Variants in PEX14 observed in about 807,000 individuals in gnomAD.
PEX14 encodes peroxisomal membrane protein PEX14.
Under a neutral mutation model 49.5 loss-of-function variants are expected in PEX14, and 15 were observed. The ratio of observed to expected loss-of-function variants is 0.30; its 90% CI spans 0.20 to 0.47. The LOEUF is 0.47. Among genes scored for constraint, PEX14 ranks in the 20% least tolerant of loss-of-function variants. The pLI is 1.00. For synonymous variants in PEX14, 210 were observed against 212.7 expected (o/e 0.99, Z 0.11); for missense variants, 398 against 494.8 (o/e 0.80, Z 1.86).
chr1:10,545,949 G>A (rs565459294), intron 3 of PEX14, among the ~76,000 whole-genome samples: 52 of 152,230 alleles, frequency 3.4e-4, no homozygotes, highest in African/African-American at 1.2e-3. Context: ...AGAGGCTGAG[G>A]CAGGAGGATT....
At chr1:10,501,556 C>T (rs1318151858) in intron 2 of PEX14, among the ~76,000 whole-genome samples, 1 of 152,110 alleles carries the variant, frequency 6.6e-6, no homozygotes, top group Non-Finnish European at 1.5e-5. Flanking sequence ...CCGCCTCGGC[C>T]TCCCAAAGTG....
chr1:10,603,537 T>TG (rs1641044788), intron 4 of PEX14, among the ~76,000 whole-genome samples: 1 of 151,936 alleles, frequency 6.6e-6, no homozygotes, highest in Non-Finnish European at 1.5e-5. Context: ...AGAAAGTTGG[T>TG]ACAGTTCAGG....
intron 3 of PEX14, among the ~76,000 whole-genome samples, chr1:10,574,149 A>G (rs1429670999): frequency 1.3e-5 from 2 of 152,206 alleles, no homozygotes; most frequent in Non-Finnish European, 2.9e-5. Flanking sequence ...GTGTCCCATC[A>G]ACAGAAAAGT....
At chr1:10,611,355 C>T (rs1005054721) in intron 4 of PEX14, among the ~76,000 whole-genome samples, 1 of 152,166 alleles carries the variant, frequency 6.6e-6, no homozygotes, top group East Asian at 1.9e-4. Flanking sequence ...GCTATAGTGC[C>T]AACTTCTGTT....
chr1:10,583,671 T>TAC (rs1359560483), intron 3 of PEX14, among the ~76,000 whole-genome samples: 1 of 151,820 alleles, frequency 6.6e-6, no homozygotes, highest in African/African-American at 2.4e-5. Flanking sequence ...TAAACATGAG[T>TAC]AAGAGCAATA....
At chr1:10,537,341 A>ACAC in intron 3 of PEX14, among the ~76,000 whole-genome samples, 1 of 28,428 alleles carries the variant, frequency 3.5e-5, no homozygotes, top group Non-Finnish European at 6.3e-5. Flanking sequence ...TTGTGCCAGC[A>ACAC]CCCCCCCCCC....
At chr1:10,618,817 T>G (rs1310734551) in intron 5 of PEX14, among the ~76,000 whole-genome samples, 1 of 152,242 alleles carries the variant, frequency 6.6e-6, no homozygotes, top group Admixed American at 6.5e-5. Context: ...GAGCCCTGGC[T>G]CTGCCCCTCA....
intron 1 of PEX14, among the ~76,000 whole-genome samples, chr1:10,490,612 A>G (rs577838167): frequency 8.0e-5 from 12 of 150,862 alleles, no homozygotes; most frequent in Middle Eastern, 3.5e-3. Context: ...TGCTCTCCCC[A>G]TTCAGGCCTC....
chr1:10,608,621 C>T (rs1419065417), intron 4 of PEX14, among the ~76,000 whole-genome samples: 1 of 150,092 alleles, frequency 6.7e-6, no homozygotes, highest in East Asian at 2.0e-4. Flanking sequence ...GAGATTGTGC[C>T]ACTGCATTCC....
At chr1:10,576,837 A>G (rs1424929335) in intron 3 of PEX14, among the ~76,000 whole-genome samples, 1 of 151,374 alleles carries the variant, frequency 6.6e-6, no homozygotes, top group Non-Finnish European at 1.5e-5. Context: ...GCACACTGCA[A>G]CCTCTGCTTC....
intron 4 of PEX14, among the ~76,000 whole-genome samples, chr1:10,615,658 G>A (rs1021183141): frequency 6.6e-6 from 1 of 152,260 alleles, no homozygotes. Context: ...CTCACAGGGT[G>A]CGTGTCCCCA....
chr1:10,549,905 T>G (rs1174749840), intron 3 of PEX14, among the ~76,000 whole-genome samples: 1 of 152,148 alleles, frequency 6.6e-6, no homozygotes, highest in African/African-American at 2.4e-5. Context: ...TCTTAGTACC[T>G]TATTTGGAAA....
chr1:10,545,296 ATATT>A (rs1235342137), intron 3 of PEX14, among the ~76,000 whole-genome samples: 2 of 152,218 alleles, frequency 1.3e-5, no homozygotes, highest in Non-Finnish European at 2.9e-5. Context: ...GGTGCTGTCA[ATATT>A]TATAAGTTTT....
At chr1:10,570,855 T>TTTTTTG (rs1639952526) in intron 3 of PEX14, among the ~76,000 whole-genome samples, 1 of 145,070 alleles carries the variant, frequency 6.9e-6, no homozygotes, top group Non-Finnish European at 1.5e-5. Flanking sequence ...AGGGTTTTTT[T>TTTTTTG]TTTTTTTTTT....
intron 2 of PEX14, among the ~76,000 whole-genome samples, chr1:10,521,066 G>T (rs1638278071): frequency 6.7e-6 from 1 of 148,206 alleles, no homozygotes. Flanking sequence ...TCCCCTTAAA[G>T]AAGTTTTCTT....
At chr1:10,489,680 A>G (rs1265640944) in intron 1 of PEX14, among the ~76,000 whole-genome samples, 2 of 152,214 alleles carry the variant, frequency 1.3e-5, no homozygotes, top group African/African-American at 4.8e-5. Flanking sequence ...TTTTCTGCAT[A>G]GCTCTTTCTT....
At chr1:10,562,356 T>C (rs1639674841) in intron 3 of PEX14, among the ~76,000 whole-genome samples, 1 of 152,246 alleles carries the variant, frequency 6.6e-6, no homozygotes, top group South Asian at 2.1e-4. Flanking sequence ...ATGCCCTTTA[T>C]AGAAAAAGAA....
chr1:10,628,525 AAG>A lies in PEX14; in HGVS notation c.678-1002_678-1001del, dbSNP rs1249079149. On this transcript the variant is annotated intron_variant, in intron 8 of 8. Transcript: ENST00000356607. This position sits in a 1 kb window ranked among gnomAD's most constrained non-coding sequence, Gnocchi z 4.5. ...CCTGAGGAAAAGAACATGTCCTGGA[AAG>A]AGATGTGGCGCTGGCAGAGGCCAGA... Among the ~76,000 whole-genome samples, 3 of 152,256 alleles carry A rather than the reference AAG, an allele frequency of 2.0e-5. No homozygotes were observed. The highest frequency in any genetic ancestry group is 4.4e-5 in the Non-Finnish European group (3 of 68,040).
chr1:10,541,480 A>C (rs1472730134), intron 3 of PEX14, among the ~76,000 whole-genome samples: 2 of 152,230 alleles, frequency 1.3e-5, no homozygotes, highest in African/African-American at 4.8e-5. Flanking sequence ...GTGTGGGTCC[A>C]GTGCAGAGCC....
Sources: gnomAD v4.1 joint callset for allele counts (sites outside exome capture counted in the v4.1 genomes callset) on GRCh38, gnomAD v4.1.1 for gene constraint, Gnocchi (gnomAD v3.1) non-coding constraint, MANE v1.5 for transcripts, NCBI Gene and HGNC (gene_info 2026-07-23, HGNC 2026-07-21) for gene names.